NCAM2: variants seen among roughly 807,000 people sequenced by gnomAD.
NCAM2 encodes the protein N-CAM-2.
Under a neutral mutation model 98.1 loss-of-function variants are expected in NCAM2, and 30 were observed. That is an observed-to-expected ratio of 0.31 (90% confidence interval 0.23 to 0.41). NCAM2 has a LOEUF of 0.41. Ranked by LOEUF, NCAM2 falls within the 10% of genes least tolerant of loss-of-function variation. NCAM2 has a pLI of 1.00. For synonymous variants in NCAM2, 368 were observed against 342.4 expected, an observed-to-expected ratio of 1.07 and a Z score of -0.83; for missense variants, 867 against 1,005.8, an observed-to-expected ratio of 0.86 and a Z score of 1.87.
At chr21:21,271,753 TA>T (rs985663152) in intron 1 of NCAM2, among the ~76,000 whole-genome samples, 3 of 152,144 alleles carry the variant, frequency 2.0e-5, no homozygotes, top group African/African-American at 4.8e-5. Flanking sequence ...AATAGAGTAA[TA>T]AAAAAGTGGG....
intron 6 of NCAM2, among the ~76,000 whole-genome samples, chr21:21,333,117 T>C (rs1018353718): frequency 3.9e-5 from 6 of 152,132 alleles, no homozygotes; most frequent in African/African-American, 1.2e-4. Flanking sequence ...TTCATAGACA[T>C]GGATTGTGAA....
In NCAM2 at chr21:21,284,415, T is replaced by TAAA; in HGVS notation, c.337+16_337+17insAAA. ...GGAAATTTACCGTAAGTAATGTATT[T>TAAA]ATATGTTTTAGTTTATTCAATTTCA... On this transcript the variant is annotated intron_variant, in intron 3 of 17. Coordinates refer to ENST00000400546, the MANE Select transcript of NCAM2 (RefSeq NM_004540.5). 1.3e-6 allele frequency: 2 copies of TAAA among 1,580,480 alleles called. No homozygotes were observed. The highest frequency in any genetic ancestry group is 1.7e-6 in the Non-Finnish European group (2 of 1,151,754).
chr21:21,313,948 A>G (rs62207688), intron 5 of NCAM2, among the ~76,000 whole-genome samples: 6,997 of 152,128 alleles, frequency 0.046, 294 homozygotes, highest in East Asian at 0.19. Context: ...GTATAGCATC[A>G]TATAGGTCCC....
At chr21:21,193,273 CT>C (rs1041615814) in intron 1 of NCAM2, among the ~76,000 whole-genome samples, 14 of 151,536 alleles carry the variant, frequency 9.2e-5, no homozygotes, top group African/African-American at 1.9e-4. Flanking sequence ...AGATTATTAT[CT>C]TTTTTAATAT....
intron 5 of NCAM2, among the ~76,000 whole-genome samples, chr21:21,312,195 G>C (rs1044747626): frequency 6.6e-6 from 1 of 151,986 alleles, no homozygotes; most frequent in Admixed American, 6.6e-5. Context: ...AGTTTGCTCA[G>C]AGATTTTATC....
intron 1 of NCAM2, among the ~76,000 whole-genome samples, chr21:21,227,630 G>A (rs1316603184): frequency 1.3e-5 from 2 of 151,792 alleles, no homozygotes; most frequent in Non-Finnish European, 3.0e-5. Context: ...GAATAGCAAA[G>A]ATTATTTTGG....
At chr21:21,427,277 A>G (rs73324856) in intron 11 of NCAM2, among the ~76,000 whole-genome samples, 3,822 of 152,302 alleles carry the variant, frequency 0.025, 157 homozygotes, top group African/African-American at 0.087. Context: ...AAGAAAGAAT[A>G]AAATTCCAAA....
intron 1 of NCAM2, among the ~76,000 whole-genome samples, chr21:21,080,717 C>T (rs913474116): frequency 7.7e-5 from 11 of 143,602 alleles, no homozygotes; most frequent in Middle Eastern, 4.1e-3. Context: ...TTATTACTCT[C>T]TAAATTATTG....
intron 1 of NCAM2, among the ~76,000 whole-genome samples, chr21:21,001,087 T>A (rs1601050468): frequency 6.6e-6 from 1 of 152,194 alleles, no homozygotes; most frequent in Admixed American, 6.5e-5. Context: ...TGGAAAGTGG[T>A]GTGCAGTTAG....
At chr21:21,225,683 T>G (rs976707546) in intron 1 of NCAM2, among the ~76,000 whole-genome samples, 5 of 152,036 alleles carry the variant, frequency 3.3e-5, no homozygotes, top group Non-Finnish European at 7.4e-5. Flanking sequence ...ACTCATAAAT[T>G]TCACCTAAAA....
chr21:21,136,022 AT>A (rs2067042747), intron 1 of NCAM2, among the ~76,000 whole-genome samples: 1 of 141,868 alleles, frequency 7.0e-6, no homozygotes, highest in African/African-American at 2.8e-5. Context: ...GTTACAAACA[AT>A]TTTGAAGGCT....
intron 15 of NCAM2, among the ~76,000 whole-genome samples, chr21:21,494,289 T>C (rs1393738032): frequency 1.3e-5 from 2 of 151,930 alleles, no homozygotes; most frequent in Non-Finnish European, 2.9e-5. Context: ...TTCAATTTTG[T>C]AATATAGTCT....
chr21:21,115,546 G>T (rs915163661), intron 1 of NCAM2, among the ~76,000 whole-genome samples: 1 of 152,160 alleles, frequency 6.6e-6, no homozygotes, highest in Admixed American at 6.5e-5. Flanking sequence ...AGCTTTCAAA[G>T]ATTATTAAGT....
chr21:21,011,817 G>A (rs566372780), intron 1 of NCAM2, among the ~76,000 whole-genome samples: 3 of 151,924 alleles, frequency 2.0e-5, no homozygotes, highest in South Asian at 2.1e-4. Context: ...TAAAAAAAGG[G>A]GGCCAAACAA....
rs141913973 is a variant in NCAM2, at chr21:21,541,107, T to C, written c.*3150T>C. 6.6e-6 allele frequency: 1 copy of C among 150,622 alleles called. No individual in the cohort carries two copies. Among genetic ancestry groups the C allele is most frequent in the Middle Eastern group, 3.5e-3 (1 of 284 alleles). 9.3% of individuals were successfully genotyped at this position (150,622 alleles called of 1,614,324 possible). A position where few individuals can be genotyped will look rare whatever the true frequency, so the allele number is the denominator to read the frequency against. On this transcript the variant is annotated 3_prime_UTR_variant, in exon 18 of 18. Coordinates refer to ENST00000400546, the MANE Select transcript of NCAM2 (RefSeq NM_004540.5). Reference sequence around the variant, plus strand: ...TCTTTGAATTAAATATTTATATAAATAGATTTTATTAATCAAATTATTTAT... The same window carrying C: ...TCTTTGAATTAAATATTTATATAAACAGATTTTATTAATCAAATTATTTAT...
chr21:21,291,136 A>T (rs1223259773), intron 4 of NCAM2, among the ~76,000 whole-genome samples: 11 of 151,960 alleles, frequency 7.2e-5, no homozygotes, highest in Admixed American at 7.2e-4. Flanking sequence ...CCAAAGGGAT[A>T]GAGGCGGGGT....
At chr21:21,523,190 T>A (rs1989129714) in intron 16 of NCAM2, among the ~76,000 whole-genome samples, 1 of 152,154 alleles carries the variant, frequency 6.6e-6, no homozygotes, top group Non-Finnish European at 1.5e-5. Context: ...CTTTTAAGCT[T>A]GATGCGATCC....
At chr21:21,125,714 T>TATATATAG (rs1555887746) in intron 1 of NCAM2, among the ~76,000 whole-genome samples, 2 of 134,404 alleles carry the variant, frequency 1.5e-5, no homozygotes, top group Non-Finnish European at 3.1e-5. Context: ...TATATATATA[T>TATATATAG]AGAGAGAGAG....
intron 5 of NCAM2, among the ~76,000 whole-genome samples, chr21:21,302,032 A>T (rs1320105139): frequency 6.8e-6 from 1 of 147,146 alleles, no homozygotes; most frequent in Admixed American, 6.9e-5. Context: ...AACTAGTTCA[A>T]CCATTGTGGA....
Sources: allele counts gnomAD v4.1 joint callset (sites outside exome capture counted in the v4.1 genomes callset), GRCh38; gene constraint gnomAD v4.1.1; transcripts MANE v1.5; gene names NCBI Gene and HGNC (gene_info 2026-07-23, HGNC 2026-07-21).